SLC35E4: variants seen among roughly 807,000 people sequenced by gnomAD.
SLC35E4 encodes solute carrier family 35, member E4.
Under a neutral mutation model 19.3 loss-of-function variants are expected in SLC35E4, and 15 were observed. The ratio of observed to expected loss-of-function variants is 0.78; its 90% CI spans 0.52 to 1.20. SLC35E4 has a LOEUF of 1.20. Ranked by LOEUF, SLC35E4 falls within the 50% of genes most tolerant of loss-of-function variation. The probability of loss-of-function intolerance (pLI) is 0.00; values close to 1 mark genes in which losing one functional copy is unlikely to be tolerated. For synonymous variants in SLC35E4, 219 were observed against 219.9 expected (o/e 1.00, Z 0.04); for missense variants, 406 against 472.3 (o/e 0.86, Z 1.30).
chr22:30,655,675 G>C (rs2088326783), intron 2 of SLC35E4, among the ~76,000 whole-genome samples: 1 of 152,128 alleles, frequency 6.6e-6, no homozygotes, highest in African/African-American at 2.4e-5. Context: ...GGATTTCAGT[G>C]TCACAGCTGG....
At chr22:30,650,136 A>G (rs895893435), downstream of SLC35E4, among the ~76,000 whole-genome samples, 1 of 149,264 alleles carries the variant, frequency 6.7e-6, no homozygotes, top group African/African-American at 2.5e-5. Flanking sequence ...GTTCAAGACC[A>G]GCCTGGCCAA....
intron 1 of SLC35E4, among the ~76,000 whole-genome samples, chr22:30,641,526 A>G (rs2088036384): frequency 6.6e-6 from 1 of 151,778 alleles, no homozygotes; most frequent in Non-Finnish European, 1.5e-5. Flanking sequence ...ATAATTTGTA[A>G]ATTATAATTT....
chr22:30,663,919 T>C (rs752588621), downstream of SLC35E4: 1 of 1,614,060 alleles, frequency 6.2e-7, no homozygotes, highest in African/African-American at 1.3e-5. Flanking sequence ...CCATTGCTGA[T>C]ATACAGGCTT....
intron 1 of SLC35E4, among the ~76,000 whole-genome samples, chr22:30,640,201 T>A (rs1431051353): frequency 6.6e-6 from 1 of 151,906 alleles, no homozygotes; most frequent in Non-Finnish European, 1.5e-5. Context: ...GGTGAAACCC[T>A]GTCTACTAAA....
intron 1 of SLC35E4, among the ~76,000 whole-genome samples, chr22:30,645,370 G>A (rs2088111234): frequency 1.3e-5 from 2 of 152,118 alleles, no homozygotes; most frequent in Non-Finnish European, 2.9e-5. Flanking sequence ...CGAGGTGGGA[G>A]GATCACCTGA....
At chr22:30,646,456 T>C in intron 1 of SLC35E4, 142 bp from the exon 2 acceptor site, 1 of 973,768 alleles carries the variant, frequency 1.0e-6, no homozygotes, top group South Asian at 1.6e-5. Flanking sequence ...AACTCTTGAC[T>C]GTCATGTTTC....
At chr22:30,667,735 G>C (rs2088730250), downstream of SLC35E4, 1 of 152,918 alleles carries the variant, frequency 6.5e-6, no homozygotes, top group Admixed American at 6.5e-5. Flanking sequence ...GGTCACTGCA[G>C]TCCCCGTGGC....
chr22:30,657,403 A>G (rs1055297099), intron 2 of SLC35E4, among the ~76,000 whole-genome samples: 4 of 146,668 alleles, frequency 2.7e-5, no homozygotes, highest in African/African-American at 1.0e-4. Flanking sequence ...AGGTTGCAGT[A>G]AGCCGAGATC....
At chr22:30,651,914 G>C (rs1211934366), downstream of SLC35E4, 1 of 152,218 alleles carries the variant, frequency 6.6e-6, no homozygotes, top group East Asian at 1.9e-4. Flanking sequence ...CTGAGCTTCA[G>C]TCATCTGAAA....
At position 30,636,574 on chromosome 22, in the gene SLC35E4, C is replaced by T. The variant is rs775001311; in HGVS notation, c.124C>T (p.Arg42Trp). The change falls in exon 1 of 2, where the codon CGG becomes TGG. Residue 42 changes from arginine to tryptophan, a missense_variant. Transcript: ENST00000343605. ...GCCCCCTGGCAGCCCTCAGGCCCTC[C>T]GGCAGCCTGGCCGGGCCCGAGTGGC... Reference protein sequence around the residue: ...EWPPGSPQALRQPGRARVAMA... With the variant: ...EWPPGSPQALWQPGRARVAMA... The T allele has an allele frequency of 5.7e-6, 9 of 1,586,308 alleles. No homozygotes were observed. The highest frequency in any genetic ancestry group is 7.7e-6 in the Non-Finnish European group (9 of 1,166,704).
chr22:30,667,264 T>C (rs1181169689), downstream of SLC35E4: 1 of 152,250 alleles, frequency 6.6e-6, no homozygotes, highest in Non-Finnish European at 1.5e-5. Context: ...CCGACCTTTA[T>C]GGTCCATTAT....
chr22:30,641,324 C>T (rs1049667609), intron 1 of SLC35E4, among the ~76,000 whole-genome samples: 3 of 152,182 alleles, frequency 2.0e-5, no homozygotes, highest in Non-Finnish European at 2.9e-5. Context: ...TTCCCTCCCT[C>T]CCTAGTCTTA....
intron 1 of SLC35E4, among the ~76,000 whole-genome samples, chr22:30,642,443 T>C (rs767796876): frequency 2.0e-5 from 3 of 152,000 alleles, no homozygotes; most frequent in Non-Finnish European, 4.4e-5. Flanking sequence ...AGAGGGCAAG[T>C]ATCCAGAAAG....
At chr22:30,649,250 G>T (rs1167583472), downstream of SLC35E4, 12 of 717,214 alleles carry the variant, frequency 1.7e-5, no homozygotes, top group East Asian at 3.2e-4. Flanking sequence ...GAGTGAGGAA[G>T]GAGGTAATGG....
At chr22:30,639,837 TGCAGTTAAC>T (rs1347707623) in intron 1 of SLC35E4, among the ~76,000 whole-genome samples, 1 of 152,184 alleles carries the variant, frequency 6.6e-6, no homozygotes, top group African/African-American at 2.4e-5. Flanking sequence ...CTACAATTTG[TGCAGTTAAC>T]GCAATCATCA....
At position 30,636,254 on chromosome 22, in the gene SLC35E4, G is replaced by A. The variant is rs1011777343; in HGVS notation, c.-197G>A. On this transcript the variant is annotated 5_prime_UTR_variant, in exon 1 of 2. Coordinates refer to ENST00000343605, the MANE Select transcript of SLC35E4 (RefSeq NM_001001479.4). ...GCAGCCGCGACCTTGGCTCTGCCCTGTCTGAGCTGGAAACACAGCTTAGCT... is the reference window on the plus strand; with the variant it reads ...GCAGCCGCGACCTTGGCTCTGCCCTATCTGAGCTGGAAACACAGCTTAGCT... The A allele has an allele frequency of 1.3e-6, 1 of 795,352 alleles. No individual in the cohort carries two copies. Among genetic ancestry groups the A allele is most frequent in the Admixed American group, 3.2e-5 (1 of 31,558 alleles). 49.3% of individuals were successfully genotyped at this position (795,352 alleles called of 1,614,324 possible). A position where few individuals can be genotyped will look rare whatever the true frequency, so the allele number is the denominator to read the frequency against.
At chr22:30,665,687 ATCTG>A (rs1161480431), downstream of SLC35E4, 1 of 353,560 alleles carries the variant, frequency 2.8e-6, no homozygotes, top group Non-Finnish European at 5.8e-6. Context: ...TTTTGCTCCG[ATCTG>A]TCTGATTATT....
intron 1 of SLC35E4, among the ~76,000 whole-genome samples, chr22:30,642,338 G>A (rs1384375676): frequency 6.6e-6 from 1 of 152,148 alleles, no homozygotes; most frequent in African/African-American, 2.4e-5. Context: ...GGTTTCTACT[G>A]CAGGAGGCTC....
At chr22:30,661,704 T>C (rs1479255068) in intron 2 of SLC35E4, 1 of 152,242 alleles carries the variant, frequency 6.6e-6, no homozygotes, top group East Asian at 1.9e-4. Context: ...GCTGAAAACC[T>C]CTGGATCAGA....
Sources: allele counts gnomAD v4.1 joint callset (sites outside exome capture counted in the v4.1 genomes callset), GRCh38; gene constraint gnomAD v4.1.1; transcripts MANE v1.5; gene names NCBI Gene and HGNC (gene_info 2026-07-23, HGNC 2026-07-21).